Variants in ATN1 observed in about 807,000 individuals in gnomAD.
ATN1 encodes atrophin-1.
In ATN1, 19 loss-of-function variants were observed where a neutral mutation model predicts 85.8. The observed-to-expected ratio is 0.22, with a 90% CI of 0.15 to 0.32. ATN1 has a LOEUF of 0.32. ATN1 is among the 10% of genes least tolerant of loss of function. The probability of loss-of-function intolerance (pLI) is 1.00; values close to 1 mark genes in which losing one functional copy is unlikely to be tolerated. For missense variants in ATN1, 1,453 were observed against 1,564.5 expected, an observed-to-expected ratio of 0.93 and a Z score of 1.20; for synonymous variants, 674 against 657.0, an observed-to-expected ratio of 1.03 and a Z score of -0.39.
chr12:6,928,902 G>T (rs2138200912), intron 1 of ATN1, among the ~76,000 whole-genome samples: 1 of 152,202 alleles, frequency 6.6e-6, no homozygotes, highest in East Asian at 1.9e-4. Flanking sequence ...CGGGAAAGGG[G>T]TGTGGTAGGT....
intron 1 of ATN1, among the ~76,000 whole-genome samples, chr12:6,931,071 T>G (rs1363416142): frequency 1.3e-5 from 2 of 152,260 alleles, no homozygotes; most frequent in Middle Eastern, 3.4e-3. Flanking sequence ...ATTGCTAGTT[T>G]TTATCAGATT....
In ATN1 at chr12:6,934,641, T is replaced by G. The variant is rs1014808882; in HGVS notation, c.279+63T>G. 3 of 1,221,246 alleles carry G rather than the reference T, an allele frequency of 2.5e-6. No individual in the cohort carries two copies. Among genetic ancestry groups the G allele is most frequent in the Non-Finnish European group, 3.5e-6 (3 of 847,134 alleles). 75.7% of individuals were successfully genotyped at this position (1,221,246 alleles called of 1,614,324 possible). ...ACCATTCTTTTCTCAGACTTGCTTATGCTCACTATTCTTAGCTGGATCTCT... is the reference window on the plus strand; with the variant it reads ...ACCATTCTTTTCTCAGACTTGCTTAGGCTCACTATTCTTAGCTGGATCTCT... On this transcript the variant is annotated intron_variant, in intron 4 of 9. Transcript: ENST00000396684. The surrounding 1 kb of genome is among the most constrained non-coding windows in gnomAD (Gnocchi z 4.5).
Position 6,936,012 on chromosome 12 carries a change from G to A in ATN1, c.745G>A (p.Gly249Arg), listed in dbSNP as rs745377685. The change falls in exon 5 of 10, where the codon GGG (glycine) becomes AGG (arginine). Residue 249 changes from glycine to arginine, a missense_variant. By Grantham distance (125) the Gly-to-Arg change is moderately radical. Around this residue, in one of 6 missense-constraint regions of ATN1, gnomAD observed 990 missense variants for 914.8 expected, o/e 1.08. Coordinates refer to ENST00000396684, the MANE Select transcript of ATN1 (RefSeq NM_001940.4). ...GAASSVGGPN[G>R]GKQHPPPTTP... ...TGCCTCATCAGTGGGGGGCCCTAAT[G>A]GGGGTAAGCAGCACCCCCCACCCAC... The A allele has an allele frequency of 6.2e-5, 99 of 1,586,380 alleles. No homozygotes were observed. The highest frequency in any genetic ancestry group is 7.8e-5 in the Non-Finnish European group (91 of 1,166,370).
Position 6,935,871 on chromosome 12 carries a change from A to G in ATN1, c.604A>G (p.Thr202Ala). 1.2e-6 allele frequency: 2 copies of G among 1,612,760 alleles called. No individual in the cohort carries two copies. The highest frequency in any genetic ancestry group is 1.7e-6 in the Non-Finnish European group (2 of 1,179,600). Residue 202 changes from threonine (T) to alanine (A), a missense_variant, in exon 5 of 10, where the codon ACA becomes GCA. Thr to Ala is a moderately conservative substitution (Grantham distance 58). This residue lies in a region of ATN1 where 990 missense variants were observed against 914.8 expected (regional missense o/e 1.08). Transcript: ENST00000396684. The surrounding 1 kb of genome is among the most constrained non-coding windows in gnomAD (Gnocchi z 5.3). Reference protein sequence around the residue: ...TGYHAPMEPPTSRMFQAPPGA... With the variant: ...TGYHAPMEPPASRMFQAPPGA... ...ATATCATGCTCCCATGGAGCCCCCC[A>G]CATCTCGAATGTTCCAGGCTCCTCC...
upstream of ATN1, among the ~76,000 whole-genome samples, chr12:6,926,759 C>A (rs1006424657): frequency 6.6e-6 from 1 of 152,266 alleles, no homozygotes; most frequent in African/African-American, 2.4e-5. Flanking sequence ...CGTGAGCCCC[C>A]GCACCGGCCC....
At chr12:6,939,945 G>T (rs754638112) in intron 7 of ATN1, among the ~76,000 whole-genome samples, 3 of 152,240 alleles carry the variant, frequency 2.0e-5, no homozygotes, top group Admixed American at 1.3e-4. Context: ...TTGGGTTTGG[G>T]TGTCATAGGC....
At chr12:6,933,104 G>A (rs1028086482) in intron 1 of ATN1, among the ~76,000 whole-genome samples, 1 of 152,080 alleles carries the variant, frequency 6.6e-6, no homozygotes, top group Non-Finnish European at 1.5e-5. Flanking sequence ...ATATAATGAG[G>A]GTAATAATGC....
upstream of ATN1, among the ~76,000 whole-genome samples, chr12:6,925,105 T>C (rs74057223): frequency 0.045 from 6,289 of 140,320 alleles, 423 homozygotes; most frequent in African/African-American, 0.16. Context: ...TGGGGCTGTG[T>C]GTGTGCGTGT....
chr12:6,941,328 A>G lies in ATN1; in HGVS notation c.3359-46A>G, dbSNP rs1555144599. ...GGCTATCCCCTGGTCCAGAGCAGGT[A>G]CTTGTTATCCGTTGGTCATATGCCC... On this transcript the variant is annotated intron_variant, in intron 8 of 9. Transcript: ENST00000396684. This position sits in a 1 kb window ranked among gnomAD's most constrained non-coding sequence, Gnocchi z 5.9. 1.3e-6 allele frequency: 2 copies of G among 1,544,374 alleles called. No individual in the cohort carries two copies. Among genetic ancestry groups the G allele is most frequent in the Non-Finnish European group, 1.7e-6 (2 of 1,146,090 alleles).
chr12:6,925,646 AG>A (rs1237117529), upstream of ATN1, among the ~76,000 whole-genome samples: 1 of 152,202 alleles, frequency 6.6e-6, no homozygotes, highest in Non-Finnish European at 1.5e-5. Flanking sequence ...AGGCCAAGGA[AG>A]TGTTCCTGTT....
rs1555144357 is a variant in ATN1 at position 6,939,123 on chromosome 12, C to T, written c.3160C>T (p.His1054Tyr). 1 of 1,600,728 alleles carries T rather than the reference C, an allele frequency of 6.2e-7. No homozygotes were observed. The highest frequency in any genetic ancestry group is 1.3e-5 in the African/African-American group (1 of 74,934). The change falls in exon 7 of 10, where the codon CAC (histidine) becomes TAC (tyrosine). Residue 1054 changes from histidine (H) to tyrosine (Y), a missense_variant. This residue lies in a region of ATN1 where 1 missense variants were observed against 24.0 expected (regional missense o/e 0.04). Coordinates refer to ENST00000396684, the MANE Select transcript of ATN1 (RefSeq NM_001940.4). ...CAATGTGACTCCCCATCACCACCAG[C>T]ACTCCCACATCCACTCGCACCTGCA... Reference protein sequence around the residue: ...MLNVTPHHHQHSHIHSHLHLH... With the variant: ...MLNVTPHHHQYSHIHSHLHLH...
chr12:6,929,280 G>A (rs769297841), intron 1 of ATN1, among the ~76,000 whole-genome samples: 1 of 152,202 alleles, frequency 6.6e-6, no homozygotes, highest in Non-Finnish European at 1.5e-5. Flanking sequence ...TCCAATTTCC[G>A]GAGCGTCCGC....
chr12:6,925,932 G>A (rs1359698809), upstream of ATN1, among the ~76,000 whole-genome samples: 1 of 152,162 alleles, frequency 6.6e-6, no homozygotes, highest in African/African-American at 2.4e-5. Flanking sequence ...CAGCTCTTCC[G>A]GCTTGCCAGC....
At position 6,935,135 on chromosome 12, in the gene ATN1, G is replaced by A. The variant is rs782524751; in HGVS notation, c.280-412G>A. Among the ~76,000 whole-genome samples, 1 of 152,240 alleles carries A rather than the reference G, an allele frequency of 6.6e-6. No homozygotes were observed. The highest frequency in any genetic ancestry group is 6.5e-5 in the Admixed American group (1 of 15,288). ...ACTCCTGGCATCAAGTGATCCGCCC[G>A]CTTCAGCTTCCCAAAGTGCTGGGAT... is the stretch of plus-strand genomic sequence containing the variant. On this transcript the variant is annotated intron_variant, in intron 4 of 9. Coordinates refer to ENST00000396684, the MANE Select transcript of ATN1 (RefSeq NM_001940.4). The surrounding 1 kb of genome is among the most constrained non-coding windows in gnomAD (Gnocchi z 5.3).
At chr12:6,940,042 C>T (rs782089239) in intron 7 of ATN1, among the ~76,000 whole-genome samples, 5 of 152,372 alleles carry the variant, frequency 3.3e-5, no homozygotes, top group Middle Eastern at 3.4e-3. Flanking sequence ...AGTGCAGTGG[C>T]GCGATCTCGG....
In ATN1 at chr12:6,937,246, G is replaced by C; in HGVS notation, c.1979G>C (p.Gly660Ala). 1 of 1,611,808 alleles carries C rather than the reference G, an allele frequency of 6.2e-7. No individual in the cohort carries two copies. The highest frequency in any genetic ancestry group is 8.5e-7 in the Non-Finnish European group (1 of 1,179,650). ...KTATPPGYKP[G>A]SPPSFRTGTP... The stretch of plus-strand genomic sequence containing the variant: ...GCCACCCCACCCGGATACAAACCCG[G>C]GTCGCCTCCCTCCTTCCGAACGGGG... Residue 660 changes from glycine to alanine, a missense_variant, in exon 5 of 10, where the codon GGG becomes GCG. Physicochemically the swap from Gly to Ala is moderately conservative, Grantham distance 60. Around this residue, in one of 6 missense-constraint regions of ATN1, gnomAD observed 990 missense variants for 914.8 expected, o/e 1.08. Coordinates refer to ENST00000396684, the MANE Select transcript of ATN1 (RefSeq NM_001940.4). The surrounding 1 kb of genome is among the most constrained non-coding windows in gnomAD (Gnocchi z 6.0).
chr12:6,937,708 G>GT lies in ATN1; in HGVS notation c.2295-136dup. 2 of 1,442,468 alleles carry GT rather than the reference G, an allele frequency of 1.4e-6. No individual in the cohort carries two copies. The highest frequency in any genetic ancestry group is 1.8e-6 in the Non-Finnish European group (2 of 1,100,360). The allele number at this position is 1,442,468 out of a possible 1,614,324, so 89.4% of individuals were successfully genotyped here. On this transcript the variant is annotated intron_variant, in intron 5 of 9. Transcript: ENST00000396684. This position sits in a 1 kb window ranked among gnomAD's most constrained non-coding sequence, Gnocchi z 6.0. ...CTCCTCCGTCCAGGCCTAGTGGCCA[G>GT]TGAGGCCCGCAGCAGCTCACAGCCT... is the stretch of plus-strand genomic sequence containing the variant.
At chr12:6,940,817 C>T (rs1945623652) in intron 7 of ATN1, 63 bp from the exon 8 acceptor site, 2 of 1,603,964 alleles carry the variant, frequency 1.2e-6, no homozygotes, top group Non-Finnish European at 1.7e-6. Flanking sequence ...ATCCCTTCAC[C>T]CAAATGCATG....
At position 6,935,976 on chromosome 12, in the gene ATN1, G is replaced by C. The variant is rs782489228; in HGVS notation, c.709G>C (p.Gly237Arg). 8.2e-6 allele frequency: 13 copies of C among 1,590,214 alleles called. No individual in the cohort carries two copies. Among genetic ancestry groups the C allele is most frequent in the Admixed American group, 5.3e-5 (3 of 57,114 alleles). Reference protein sequence around the residue: ...VLSGPPMGPKGGGAASSVGGP... With the variant: ...VLSGPPMGPKRGGAASSVGGP... ...GTCTGGACCCCCAATGGGTCCCAAG[G>C]GGGGAGGGGCTGCCTCATCAGTGGG... Residue 237 changes from glycine to arginine, a missense_variant, in exon 5 of 10, where the codon GGG (glycine) becomes CGG (arginine). Coordinates refer to ENST00000396684, the MANE Select transcript of ATN1 (RefSeq NM_001940.4). The surrounding 1 kb of genome is among the most constrained non-coding windows in gnomAD (Gnocchi z 5.3).
Sources: allele counts gnomAD v4.1 joint callset (sites outside exome capture counted in the v4.1 genomes callset), GRCh38; gene constraint gnomAD v4.1.1; regional missense constraint gnomAD v4.1.1; non-coding constraint Gnocchi (gnomAD v3.1); transcripts MANE v1.5; gene names NCBI Gene and HGNC (gene_info 2026-07-23, HGNC 2026-07-21).